SORCS2: variants seen among roughly 807,000 people sequenced by gnomAD.
SORCS2 encodes sortilin related VPS10 domain containing receptor 2, also known as VPS10 domain-containing receptor SorCS2.
In SORCS2, 100 loss-of-function variants were observed where a neutral mutation model predicts 141.6. That is an observed-to-expected ratio of 0.71 (90% confidence interval 0.60 to 0.83). The LOEUF is 0.83. Among genes scored for constraint, SORCS2 ranks in the 40% least tolerant of loss-of-function variants. The pLI is 0.00. For synonymous variants in SORCS2, 789 were observed against 676.9 expected, an observed-to-expected ratio of 1.17 and a Z score of -2.57; for missense variants, 1,646 against 1,560.2, an observed-to-expected ratio of 1.05 and a Z score of -0.93.
At chr4:7,674,495 C>T (rs2108946836) in intron 8 of SORCS2, among the ~76,000 whole-genome samples, 1 of 150,452 alleles carries the variant, frequency 6.6e-6, no homozygotes, top group East Asian at 2.0e-4. Flanking sequence ...ATGGTGTGAA[C>T]CCGGGGGGGC....
chr4:7,633,191 C>T (rs1720008085), intron 3 of SORCS2, among the ~76,000 whole-genome samples: 1 of 152,144 alleles, frequency 6.6e-6, no homozygotes, highest in Non-Finnish European at 1.5e-5. Context: ...GTGCATTCCA[C>T]CCAGAGGGAA....
At chr4:7,626,718 C>T (rs979965357) in intron 3 of SORCS2, among the ~76,000 whole-genome samples, 1 of 152,188 alleles carries the variant, frequency 6.6e-6, no homozygotes, top group Non-Finnish European at 1.5e-5. Flanking sequence ...CTGAAATGAT[C>T]GTGTTCCTGC....
At chr4:7,626,875 G>A (rs1472748640) in intron 3 of SORCS2, among the ~76,000 whole-genome samples, 1 of 152,182 alleles carries the variant, frequency 6.6e-6, no homozygotes, top group Non-Finnish European at 1.5e-5. Flanking sequence ...CTCAATGAAT[G>A]AAAAATTCGA....
intron 1 of SORCS2, among the ~76,000 whole-genome samples, chr4:7,373,478 A>ATATATATATATATATATTTT (rs1470691140): frequency 2.7e-5 from 1 of 36,824 alleles, no homozygotes; most frequent in East Asian, 2.2e-3. Context: ...ATATATATAT[A>ATATATATATATATATATTTT]TTTTTTTTTT....
chr4:7,670,134 CACAA>C (rs1265371294), intron 8 of SORCS2, among the ~76,000 whole-genome samples: 71 of 152,178 alleles, frequency 4.7e-4, no homozygotes, highest in Non-Finnish European at 1.8e-4. Flanking sequence ...GGGCTGCTGT[CACAA>C]ACAAAGTTGG....
rs1414877009 is a variant in SORCS2 at position 7,193,805 on chromosome 4, C to G, written c.480+679C>G. On this transcript the variant is annotated intron_variant, in intron 1 of 26. Coordinates refer to ENST00000507866, the MANE Select transcript of SORCS2 (RefSeq NM_020777.3). The surrounding 1 kb of genome is among the most constrained non-coding windows in gnomAD (Gnocchi z 4.8). ...GTGTGGCGCTGGCACAGCAAACTCCCTGCCCTCCCCCCACCTTCCCGGCTA... is the reference window on the plus strand; with the variant it reads ...GTGTGGCGCTGGCACAGCAAACTCCGTGCCCTCCCCCCACCTTCCCGGCTA... Among the ~76,000 whole-genome samples the G allele has an allele frequency of 6.6e-6, 1 of 152,198 alleles. No individual in the cohort carries two copies. Among genetic ancestry groups the G allele is most frequent in the Non-Finnish European group, 1.5e-5 (1 of 68,030 alleles).
chr4:7,600,816 T>C (rs1038773164), intron 3 of SORCS2, among the ~76,000 whole-genome samples: 2 of 152,208 alleles, frequency 1.3e-5, no homozygotes, highest in Admixed American at 6.5e-5. Context: ...ATGAGACTTA[T>C]GGAGATACAC....
intron 2 of SORCS2, among the ~76,000 whole-genome samples, chr4:7,525,445 C>T (rs973170138): frequency 1.3e-5 from 2 of 152,026 alleles, no homozygotes; most frequent in African/African-American, 2.4e-5. Context: ...CGGACATGAG[C>T]CCAGACCCCC....
chr4:7,614,612 A>G (rs1224145239), intron 3 of SORCS2, among the ~76,000 whole-genome samples: 5 of 119,226 alleles, frequency 4.2e-5, no homozygotes, highest in Non-Finnish European at 3.5e-5. Flanking sequence ...CTATCCACCT[A>G]TCCACCATCC....
intron 1 of SORCS2, among the ~76,000 whole-genome samples, chr4:7,242,004 G>A (rs1712735050): frequency 6.6e-6 from 1 of 152,190 alleles, no homozygotes; most frequent in Non-Finnish European, 1.5e-5. Context: ...GTACCGGGCA[G>A]AGGCTGCCGT....
intron 2 of SORCS2, among the ~76,000 whole-genome samples, chr4:7,526,259 G>A (rs1191509841): frequency 9.2e-5 from 14 of 152,248 alleles, no homozygotes; most frequent in Non-Finnish European, 1.3e-4. Flanking sequence ...GCCTTGGCAC[G>A]TTGTCCAGAC....
At chr4:7,254,537 T>A (rs900333040) in intron 1 of SORCS2, among the ~76,000 whole-genome samples, 1 of 152,166 alleles carries the variant, frequency 6.6e-6, no homozygotes, top group African/African-American at 2.4e-5. Context: ...AGGAGCATGA[T>A]GACAAGTTGG....
At chr4:7,705,747 G>A (rs896445334) in intron 14 of SORCS2, among the ~76,000 whole-genome samples, 3 of 152,244 alleles carry the variant, frequency 2.0e-5, no homozygotes, top group Non-Finnish European at 2.9e-5. Flanking sequence ...CTGGCAATGG[G>A]CCTTCACACC....
chr4:7,632,768 A>G (rs1180852050), intron 3 of SORCS2, among the ~76,000 whole-genome samples: 2 of 152,202 alleles, frequency 1.3e-5, no homozygotes, highest in Admixed American at 6.5e-5. Flanking sequence ...CGCTGAAGAC[A>G]TGAGCACTGC....
chr4:7,586,290 C>G (rs985054078), intron 3 of SORCS2, among the ~76,000 whole-genome samples: 1 of 152,158 alleles, frequency 6.6e-6, no homozygotes, highest in African/African-American at 2.4e-5. Flanking sequence ...CGTTTTCATT[C>G]TGCCTTTCAC....
chr4:7,641,589 C>T (rs1229835614), intron 4 of SORCS2, among the ~76,000 whole-genome samples: 4 of 152,120 alleles, frequency 2.6e-5, no homozygotes, highest in African/African-American at 4.8e-5. Flanking sequence ...CCAATACATG[C>T]AATTGGGGTA....
chr4:7,241,836 CGTGTGTGTGT>C (rs771077042), intron 1 of SORCS2, among the ~76,000 whole-genome samples: 1 of 152,124 alleles, frequency 6.6e-6, no homozygotes, highest in Non-Finnish European at 1.5e-5. Flanking sequence ...CATCTGTGTG[CGTGTGTGTGT>C]GGCCTTGCTG....
intron 1 of SORCS2, among the ~76,000 whole-genome samples, chr4:7,334,099 C>T (rs1355186583): frequency 6.6e-6 from 1 of 152,176 alleles, no homozygotes; most frequent in Non-Finnish European, 1.5e-5. Context: ...AGTCCCCCGG[C>T]CCCTCACCCT....
At position 7,742,489 on chromosome 4, in the gene SORCS2, GT is replaced by G. The variant is rs1343614578; in HGVS notation, c.*2227del. The G allele has an allele frequency of 2.0e-5, 3 of 152,198 alleles. No homozygotes were observed. The highest frequency in any genetic ancestry group is 7.2e-5 in the African/African-American group (3 of 41,438). 9.4% of individuals were successfully genotyped at this position (152,198 alleles called of 1,614,324 possible). The stretch of plus-strand genomic sequence containing the variant: ...TGTTTGGGTTGGGTTTTTCCCCTTA[GT>G]TATCTGTGGGTTTCCTGTATTTTAT... On this transcript the variant is annotated 3_prime_UTR_variant, in exon 27 of 27. Transcript: ENST00000507866.
Sources: allele counts gnomAD v4.1 joint callset (sites outside exome capture counted in the v4.1 genomes callset), GRCh38; gene constraint gnomAD v4.1.1; non-coding constraint Gnocchi (gnomAD v3.1); transcripts MANE v1.5; gene names NCBI Gene and HGNC (gene_info 2026-07-23, HGNC 2026-07-21).